Variants in TRAPPC10 observed in about 807,000 individuals in gnomAD.
TRAPPC10 encodes TRAPP 130 kDa subunit.
A neutral mutation model predicts 125.5 loss-of-function variants in TRAPPC10; 23 were observed. That is an observed-to-expected ratio of 0.18 (90% CI 0.13 to 0.26). The LOEUF (loss-of-function observed/expected upper bound fraction) is 0.26. Among genes scored for constraint, TRAPPC10 ranks in the 10% least tolerant of loss-of-function variants. The pLI is 1.00. For missense variants in TRAPPC10, 1,123 were observed against 1,308.4 expected (o/e 0.86, Z 2.19); for synonymous variants, 509 against 518.0 (o/e 0.98, Z 0.24).
chr21:44,090,707 T>A (rs775231306), intron 18 of TRAPPC10, among the ~76,000 whole-genome samples: 18 of 152,216 alleles, frequency 1.2e-4, no homozygotes, highest in Non-Finnish European at 2.4e-4. Context: ...GGGCTCGGGA[T>A]GCTAGCCTGG....
chr21:44,070,926 G>C (rs2036820964), intron 7 of TRAPPC10, among the ~76,000 whole-genome samples: 1 of 152,188 alleles, frequency 6.6e-6, no homozygotes, highest in Non-Finnish European at 1.5e-5. Context: ...CCTCCGTTGA[G>C]GCAGGGGTAA....
chr21:44,089,509 G>A (rs779192128), intron 17 of TRAPPC10: 27 of 482,864 alleles, frequency 5.6e-5, no homozygotes, highest in South Asian at 7.7e-5. Context: ...GCATGGCTCC[G>A]CGGCCCTGCG....
At chr21:44,022,998 A>C (rs2032691560) in intron 1 of TRAPPC10, among the ~76,000 whole-genome samples, 2 of 149,242 alleles carry the variant, frequency 1.3e-5, no homozygotes, top group African/African-American at 5.0e-5. Flanking sequence ...AAGGTTGCAA[A>C]ATGGTGATAT....
intron 4 of TRAPPC10, 121 bp from the exon 5 acceptor site, chr21:44,055,577 C>CAAA (rs548421815): frequency 8.1e-4 from 477 of 591,858 alleles, no homozygotes; most frequent in South Asian, 3.0e-3. Flanking sequence ...AACTCTGTCT[C>CAAA]AAAAAAAAAA....
chr21:44,020,557 C>T (rs1029521624), intron 1 of TRAPPC10, among the ~76,000 whole-genome samples: 1 of 152,038 alleles, frequency 6.6e-6, no homozygotes, highest in South Asian at 2.1e-4. Context: ...TCGCTTGAGC[C>T]CAGGAATTTG....
chr21:44,053,400 A>G (rs974718849), intron 4 of TRAPPC10, among the ~76,000 whole-genome samples: 1 of 152,216 alleles, frequency 6.6e-6, no homozygotes, highest in Non-Finnish European at 1.5e-5. Flanking sequence ...TCCACAAACA[A>G]TAAATGCATT....
intron 1 of TRAPPC10, among the ~76,000 whole-genome samples, chr21:44,029,091 TTTG>T (rs1334124841): frequency 2.6e-5 from 4 of 152,206 alleles, no homozygotes; most frequent in African/African-American, 9.6e-5. Context: ...CATCTTTTTT[TTTG>T]TTGTTTGTTT....
intron 3 of TRAPPC10, among the ~76,000 whole-genome samples, chr21:44,044,159 C>T (rs570312685): frequency 6.6e-6 from 1 of 152,266 alleles, no homozygotes; most frequent in South Asian, 2.1e-4. Flanking sequence ...AATCATGAGT[C>T]TTCTTGAATC....
chr21:44,014,599 T>G (rs532408161), intron 1 of TRAPPC10, among the ~76,000 whole-genome samples: 66 of 150,638 alleles, frequency 4.4e-4, no homozygotes, highest in Non-Finnish European at 7.7e-4. Context: ...TTTTGTTTTT[T>G]TTTTTTTTCA....
intron 9 of TRAPPC10, among the ~76,000 whole-genome samples, chr21:44,075,913 G>A (rs992452481): frequency 1.3e-5 from 2 of 152,162 alleles, no homozygotes; most frequent in African/African-American, 4.8e-5. Flanking sequence ...GCCGGGTGTG[G>A]TGGTGCATGC....
rs143620845 is a variant in TRAPPC10, at chr21:44,079,295, C to T, written c.1470-269C>T. On this transcript the variant is annotated intron_variant, in intron 11 of 22. Transcript: ENST00000291574. Reference sequence around the variant, plus strand: ...CTGAGATTCAGCTATGAAAGTTCCTCGACATGTGTATAAAGCCAGACCAAC... The same window carrying T: ...CTGAGATTCAGCTATGAAAGTTCCTTGACATGTGTATAAAGCCAGACCAAC... 3.4e-3 allele frequency among the ~76,000 whole-genome samples: 517 copies of T among 152,236 alleles called. 1 individual carries two copies. Among genetic ancestry groups the T allele is most frequent in the African/African-American group, 0.011 (476 of 41,522 alleles).
Position 44,087,099 on chromosome 21 carries a change from C to G in TRAPPC10, c.2539+139C>G. On this transcript the variant is annotated intron_variant, in intron 16 of 22. Coordinates refer to ENST00000291574, the MANE Select transcript of TRAPPC10 (RefSeq NM_003274.5). This position sits in a 1 kb window ranked among gnomAD's most constrained non-coding sequence, Gnocchi z 4.6. Reference sequence around the variant, plus strand: ...CTGGAGTCCGTGTTCCATAGGAGCCCTGCGGCCTGATGCCTGTGCTGGGGT... The same window carrying G: ...CTGGAGTCCGTGTTCCATAGGAGCCGTGCGGCCTGATGCCTGTGCTGGGGT... 1.0e-6 allele frequency: 1 copy of G among 973,560 alleles called. No homozygotes were observed. The highest frequency in any genetic ancestry group is 1.5e-6 in the Non-Finnish European group (1 of 669,034). 60.3% of individuals were successfully genotyped at this position (973,560 alleles called of 1,614,324 possible).
chr21:44,069,517 G>T (rs1291987160), intron 7 of TRAPPC10, among the ~76,000 whole-genome samples: 1 of 152,164 alleles, frequency 6.6e-6, no homozygotes, highest in East Asian at 1.9e-4. Context: ...ATCAGTGGGA[G>T]GGTGGAGATG....
chr21:44,046,671 G>T (rs2034841156), intron 3 of TRAPPC10: 1 of 265,754 alleles, frequency 3.8e-6, no homozygotes, highest in Non-Finnish European at 7.3e-6. Flanking sequence ...ACCACGCCCG[G>T]TTAATTTTGT....
At chr21:44,078,769 A>T (rs144791963) in intron 11 of TRAPPC10, among the ~76,000 whole-genome samples, 3 of 152,324 alleles carry the variant, frequency 2.0e-5, no homozygotes, top group African/African-American at 7.2e-5. Flanking sequence ...TGAGGCTTTG[A>T]CAAGCCCTTA....
At chr21:44,030,652 G>A (rs1049448424) in intron 1 of TRAPPC10, among the ~76,000 whole-genome samples, 2 of 151,942 alleles carry the variant, frequency 1.3e-5, no homozygotes, top group African/African-American at 4.8e-5. Flanking sequence ...TTTTTTAGTA[G>A]AGACAAGGTT....
chr21:44,089,164 T>C (rs1048848393), intron 17 of TRAPPC10: 2 of 276,232 alleles, frequency 7.2e-6, no homozygotes, highest in African/African-American at 2.4e-5. Context: ...TGCTGTGTTA[T>C]CCTCTCTTCC....
intron 1 of TRAPPC10, among the ~76,000 whole-genome samples, chr21:44,019,061 G>A (rs914261244): frequency 6.6e-6 from 1 of 151,626 alleles, no homozygotes; most frequent in Non-Finnish European, 1.5e-5. Flanking sequence ...AAGATTACAG[G>A]GTCTTTTTTT....
chr21:44,039,557 A>G (rs1319254506), intron 3 of TRAPPC10, among the ~76,000 whole-genome samples: 1 of 152,170 alleles, frequency 6.6e-6, no homozygotes, highest in Non-Finnish European at 1.5e-5. Flanking sequence ...CAGAGCTGAT[A>G]GGGATGTGCC....
Sources: gnomAD v4.1 joint callset for allele counts (sites outside exome capture counted in the v4.1 genomes callset) on GRCh38, gnomAD v4.1.1 for gene constraint, Gnocchi (gnomAD v3.1) non-coding constraint, MANE v1.5 for transcripts, NCBI Gene and HGNC (gene_info 2026-07-23, HGNC 2026-07-21) for gene names.